ATP8A2: variants seen among roughly 807,000 people sequenced by gnomAD.
ATP8A2 encodes ATPase phospholipid transporting 8A2, also known as phospholipid-transporting ATPase IB.
Under a neutral mutation model 165.6 loss-of-function variants are expected in ATP8A2, and 100 were observed. The ratio of observed to expected loss-of-function variants is 0.60; its 90% CI spans 0.51 to 0.71. ATP8A2 has a LOEUF of 0.71. Ranked by LOEUF, ATP8A2 falls within the 30% of genes least tolerant of loss-of-function variation. The pLI is 0.00. For missense variants in ATP8A2, 1,227 were observed against 1,479.5 expected, an observed-to-expected ratio of 0.83 and a Z score of 2.80; for synonymous variants, 543 against 548.8, an observed-to-expected ratio of 0.99 and a Z score of 0.15.
intron 36 of ATP8A2, among the ~76,000 whole-genome samples, chr13:26,016,184 C>T (rs1349040132): frequency 6.6e-6 from 1 of 152,212 alleles, no homozygotes; most frequent in East Asian, 1.9e-4. Context: ...CTTTCATTCT[C>T]GGTTAAGGTT....
intron 25 of ATP8A2, among the ~76,000 whole-genome samples, chr13:25,710,085 T>C (rs1318708553): frequency 1.3e-5 from 2 of 152,180 alleles, no homozygotes; most frequent in Non-Finnish European, 2.9e-5. Context: ...GTTTAGATAA[T>C]GTTGTGGAGA....
At chr13:25,868,139 A>C in intron 33 of ATP8A2, 1 of 456,484 alleles carries the variant, frequency 2.2e-6, no homozygotes, top group Non-Finnish European at 4.4e-6. Flanking sequence ...TCCTCAGCCA[A>C]GGAAATAAAC....
At chr13:25,982,416 G>A (rs1956188977) in intron 35 of ATP8A2, among the ~76,000 whole-genome samples, 1 of 152,210 alleles carries the variant, frequency 6.6e-6, no homozygotes, top group African/African-American at 2.4e-5. Flanking sequence ...CACCGGGGCT[G>A]GGTGGGGCAC....
At chr13:25,897,079 AT>A (rs1461160615) in intron 33 of ATP8A2, among the ~76,000 whole-genome samples, 1 of 152,162 alleles carries the variant, frequency 6.6e-6, no homozygotes, top group East Asian at 1.9e-4. Flanking sequence ...TGTCATTATG[AT>A]GTTAGCTGGT....
intron 1 of ATP8A2, among the ~76,000 whole-genome samples, chr13:25,441,814 G>A (rs7317595): frequency 0.69 from 105,541 of 151,970 alleles, 37,269 homozygotes; most frequent in East Asian, 0.99. Context: ...GCTGAAGTAC[G>A]TTCCCATTAT....
chr13:25,794,859 A>ACACACACACC (rs1378534914), intron 27 of ATP8A2, among the ~76,000 whole-genome samples: 14 of 143,602 alleles, frequency 9.7e-5, no homozygotes, highest in African/African-American at 2.1e-4. Flanking sequence ...ACACACACAC[A>ACACACACACC]CCTTCTCTCT....
chr13:25,605,778 CCTT>C (rs997211303), intron 24 of ATP8A2, among the ~76,000 whole-genome samples: 2 of 152,054 alleles, frequency 1.3e-5, no homozygotes, highest in African/African-American at 4.8e-5. Flanking sequence ...TTTATTTAAA[CCTT>C]CTCTTACTTT....
chr13:25,864,293 T>C (rs1463934223), intron 33 of ATP8A2, among the ~76,000 whole-genome samples: 5 of 152,110 alleles, frequency 3.3e-5, no homozygotes, highest in African/African-American at 9.7e-5. Flanking sequence ...GCCCATTCCT[T>C]TGAAAGCTCC....
In ATP8A2 at chr13:25,464,254, T is replaced by C. The variant is rs1382812406; in HGVS notation, c.77-4723T>C. Among the ~76,000 whole-genome samples the C allele has an allele frequency of 2.6e-5, 4 of 152,050 alleles. 1 individual carries two copies. Among genetic ancestry groups the C allele is most frequent in the African/African-American group, 9.7e-5 (4 of 41,400 alleles). On this transcript the variant is annotated intron_variant, in intron 1 of 36. Coordinates refer to ENST00000381655, the MANE Select transcript of ATP8A2 (RefSeq NM_016529.6). ...GAATTTGTCCCTCCTCTTTAACCCT[T>C]TTTGCTTTTCCATCTTATAGGGAAA...
chr13:25,833,086 C>G (rs1018620379), intron 28 of ATP8A2, among the ~76,000 whole-genome samples: 6 of 149,100 alleles, frequency 4.0e-5, no homozygotes, highest in African/African-American at 1.5e-4. Flanking sequence ...TTTTTTTTCT[C>G]TAGCAGTGGA....
chr13:25,475,729 T>G (rs1257088321), intron 2 of ATP8A2, among the ~76,000 whole-genome samples: 1 of 152,254 alleles, frequency 6.6e-6, no homozygotes, highest in African/African-American at 2.4e-5. Flanking sequence ...GAGATGGTAC[T>G]CATTGTGGTT....
At chr13:25,384,757 T>C (rs142106230) in intron 1 of ATP8A2, among the ~76,000 whole-genome samples, 4 of 152,354 alleles carry the variant, frequency 2.6e-5, no homozygotes, top group Admixed American at 6.5e-5. Context: ...TAAAAATCTT[T>C]TTCTGATTGT....
chr13:25,748,020 G>A (rs1414478134), intron 25 of ATP8A2, among the ~76,000 whole-genome samples: 1 of 152,130 alleles, frequency 6.6e-6, no homozygotes, highest in Non-Finnish European at 1.5e-5. Context: ...ACTGACATTT[G>A]TAGTTCATTC....
chr13:25,599,261 C>G (rs1374577782), intron 24 of ATP8A2, among the ~76,000 whole-genome samples: 1 of 152,186 alleles, frequency 6.6e-6, no homozygotes, highest in Non-Finnish European at 1.5e-5. Flanking sequence ...CTCCTAGCCA[C>G]CCAGCATTCT....
chr13:25,837,024 A>G, intron 28 of ATP8A2, 139 bp from the exon 29 acceptor site: 1 of 1,004,806 alleles, frequency 1.0e-6, no homozygotes, highest in Admixed American at 2.4e-5. Context: ...CTTTGTTTGG[A>G]GGGTGTCTGG....
At position 25,956,583 on chromosome 13, in the gene ATP8A2, A is replaced by C. The variant is rs148498475; in HGVS notation, c.3184-4992A>C. Among the ~76,000 whole-genome samples, 1,132 of 152,298 alleles carry C rather than the reference A, an allele frequency of 7.4e-3. 6 individuals are homozygous for C. Among genetic ancestry groups the C allele is most frequent in the Non-Finnish European group, 0.011 (757 of 68,014 alleles). ...TACAAGGGACGTGAAGGACCTCTTC[A>C]AGAAGAACTACAAACCACTGCTCAA... On this transcript the variant is annotated intron_variant, in intron 33 of 36. Coordinates refer to ENST00000381655, the MANE Select transcript of ATP8A2 (RefSeq NM_016529.6).
At position 25,786,787 on chromosome 13, in the gene ATP8A2, A is replaced by T. The variant is rs575568715; in HGVS notation, c.2679+11828A>T. Among the ~76,000 whole-genome samples the T allele has an allele frequency of 1.6e-3, 212 of 132,972 alleles. 2 individuals are homozygous for T. The highest frequency in any genetic ancestry group is 5.9e-3 in the African/African-American group (205 of 34,682). The allele number at this position is 132,972 out of a possible 152,430, so 87.2% of individuals were successfully genotyped here. On this transcript the variant is annotated intron_variant, in intron 27 of 36. Coordinates refer to ENST00000381655, the MANE Select transcript of ATP8A2 (RefSeq NM_016529.6). ...TTTTTTTTTTTTGAGACAGAGTTTC[A>T]CTCTGGTTGCCCAGGCTGGAGTGCA...
At chr13:25,642,025 C>T (rs188534605) in intron 24 of ATP8A2, among the ~76,000 whole-genome samples, 13,592 of 152,012 alleles carry the variant, frequency 0.089, 652 homozygotes, top group Non-Finnish European at 0.11. Context: ...TAATAAATGG[C>T]GCTGGGAAAA....
Position 25,736,231 on chromosome 13 carries a change from A to G in ATP8A2, c.2385-32815A>G, listed in dbSNP as rs556718602. ...CAGATTGCATCCCCTTCATTATGTG[A>G]TGCGTGACTACATTCCAAGGGTGAA... is the stretch of plus-strand genomic sequence containing the variant. On this transcript the variant is annotated intron_variant, in intron 25 of 36. Coordinates refer to ENST00000381655, the MANE Select transcript of ATP8A2 (RefSeq NM_016529.6). 3.3e-5 allele frequency among the ~76,000 whole-genome samples: 5 copies of G among 152,302 alleles called. No individual in the cohort carries two copies. The South Asian group carries it at 1.0e-3, about 32-fold the overall frequency.
Sources: allele counts gnomAD v4.1 joint callset (sites outside exome capture counted in the v4.1 genomes callset), GRCh38; gene constraint gnomAD v4.1.1; transcripts MANE v1.5; gene names NCBI Gene and HGNC (gene_info 2026-07-23, HGNC 2026-07-21).